Variants in PTGER1 observed in about 807,000 individuals in gnomAD.
The protein encoded by PTGER1 is prostaglandin E receptor 1.
PTGER1 carries 15 observed loss-of-function variants against 18.5 expected under a neutral mutation model. The ratio of observed to expected loss-of-function variants is 0.81; its 90% CI spans 0.54 to 1.25. PTGER1 has a LOEUF of 1.25. Among genes scored for constraint, PTGER1 ranks in the 50% most tolerant of loss-of-function variants. The pLI is 0.00. For missense variants in PTGER1, 567 were observed against 603.4 expected (o/e 0.94, Z 0.63); for synonymous variants, 339 against 308.4 (o/e 1.10, Z -1.04).
In PTGER1 at chr19:14,473,164, C is replaced by A. The variant is rs1481909219; in HGVS notation, c.942+215G>T. ...TGTGGGTCGGGGTGCGCTACAAAGACCCCAAAAAGGAAGAGGAGAGGGGGG... is the reference window on the plus strand; with the variant it reads ...TGTGGGTCGGGGTGCGCTACAAAGAACCCAAAAAGGAAGAGGAGAGGGGGG... On this transcript the variant is annotated intron_variant, in intron 2 of 2. Coordinates refer to ENST00000292513, the MANE Select transcript of PTGER1 (RefSeq NM_000955.3). The surrounding 1 kb of genome is among the most constrained non-coding windows in gnomAD (Gnocchi z 7.1). Among the ~76,000 whole-genome samples the A allele has an allele frequency of 1.3e-5, 2 of 151,310 alleles. No homozygotes were observed. Among genetic ancestry groups the A allele is most frequent in the Non-Finnish European group, 2.9e-5 (2 of 67,824 alleles).
intron 1 of PTGER1, among the ~76,000 whole-genome samples, 159 bp downstream of exon 1, chr19:14,475,103 A>G (rs1305867278): frequency 6.6e-6 from 1 of 152,220 alleles, no homozygotes; most frequent in Non-Finnish European, 1.5e-5. Flanking sequence ...ACTGCCCACC[A>G]GGCCAGATGG....
chr19:14,472,824 C>T lies in PTGER1; in HGVS notation c.945G>A (p.Val315=). ...AGCCGCCGACGGCCAGCGCCACCAA[C>T]ACCTGCGGGGGAAGCCGGTGTGAGC... is the stretch of plus-strand genomic sequence containing the variant. ...VSCICWSPML[V]LVALAVGGWS... is the part of the protein sequence containing the mutation. Residue 315 remains valine, a splice_region_variant and synonymous_variant, in exon 3 of 3, where the codon GTG becomes GTA. Transcript: ENST00000292513. The T allele has an allele frequency of 1.3e-6, 2 of 1,550,200 alleles. No homozygotes were observed. The highest frequency in any genetic ancestry group is 1.7e-6 in the Non-Finnish European group (2 of 1,149,874).
rs780349661 is a variant in PTGER1, at chr19:14,473,399, T to C, written c.922A>G (p.Ile308Val). Reference sequence around the variant, plus strand: ...CTCACCAGCATTGGGCTCCAGCAGATGCACGACACCACCATGATACCGACA... The same window carrying C: ...CTCACCAGCATTGGGCTCCAGCAGACGCACGACACCACCATGATACCGACA... Reference protein sequence around the residue: ...QLVGIMVVSCICWSPMLVLVA... With the variant: ...QLVGIMVVSCVCWSPMLVLVA... Residue 308 changes from isoleucine to valine, a missense_variant, in exon 2 of 3, where the codon ATC becomes GTC. Coordinates refer to ENST00000292513, the MANE Select transcript of PTGER1 (RefSeq NM_000955.3). The surrounding 1 kb of genome is among the most constrained non-coding windows in gnomAD (Gnocchi z 7.1). 1.3e-5 allele frequency: 20 copies of C among 1,594,262 alleles called. No individual in the cohort carries two copies. In the Admixed American group the frequency reaches 3.4e-4, roughly 27 times the overall value.
Position 14,472,791 on chromosome 19 carries a change from A to G in PTGER1, c.978T>C (p.Ser326=), listed in dbSNP as rs1003836132. ...LVALAVGGWS[S]TSLQRPLFLA... The stretch of plus-strand genomic sequence containing the variant: ...GGAACAGTGGCCGCTGCAGGGAGGT[A>G]GAGCTCCAGCCGCCGACGGCCAGCG... Residue 326 remains serine (S), a synonymous_variant, in exon 3 of 3, where the codon TCT becomes TCC. Coordinates refer to ENST00000292513, the MANE Select transcript of PTGER1 (RefSeq NM_000955.3). 3.2e-6 allele frequency: 5 copies of G among 1,567,946 alleles called. No individual in the cohort carries two copies. In the African/African-American group the frequency reaches 5.4e-5, roughly 17 times the overall value.
chr19:14,473,381 G>C lies in PTGER1; in HGVS notation c.940C>G (p.Leu314Val). ...CGAGGGGCCGGTGCGCCCCTCACCA[G>C]CATTGGGCTCCAGCAGATGCACGAC... ...VVSCICWSPM[L>V]VLVALAVGGW... is the part of the protein sequence containing the mutation. The change falls in exon 2 of 3, where the codon CTG (leucine) becomes GTG (valine). Residue 314 changes from leucine to valine, a missense_variant and splice_region_variant. By Grantham distance (32) the Leu-to-Val change is conservative. Coordinates refer to ENST00000292513, the MANE Select transcript of PTGER1 (RefSeq NM_000955.3). This position sits in a 1 kb window ranked among gnomAD's most constrained non-coding sequence, Gnocchi z 7.1. 6.3e-7 allele frequency: 1 copy of C among 1,581,556 alleles called. No individual in the cohort carries two copies. The highest frequency in any genetic ancestry group is 1.4e-5 in the African/African-American group (1 of 74,038).
At position 14,472,678 on chromosome 19, in the gene PTGER1, C is replaced by A. The variant is rs2071576629; in HGVS notation, c.1091G>T (p.Arg364Leu). The A allele has an allele frequency of 6.2e-7, 1 of 1,611,576 alleles. No individual in the cohort carries two copies. The change falls in exon 3 of 3, where the codon CGC (arginine) becomes CTC (leucine). Residue 364 changes from arginine to leucine, a missense_variant. Coordinates refer to ENST00000292513, the MANE Select transcript of PTGER1 (RefSeq NM_000955.3). ...GGCTCCGGCCCTCGGGGGCAAGAGG[C>A]GAAGCAGTTGGCGCAGCACGGCCTG... is the stretch of plus-strand genomic sequence containing the variant. Reference protein sequence around the residue: ...LRQAVLRQLLRLLPPRAGAKG... With the variant: ...LRQAVLRQLLLLLPPRAGAKG...
rs750644173 is a variant in PTGER1 at position 14,472,586 on chromosome 19, G to A, written c.1183C>T (p.Arg395Trp). The change falls in exon 3 of 3, where the codon CGG becomes TGG. Residue 395 changes from arginine to tryptophan, a missense_variant. Transcript: ENST00000292513. ...AWEASSLRSS[R>W]HSGLSHF ...TAGAAGTGGCTGAGGCCGCTGTGCC[G>A]GGAGCTGCGCAGCGAGCTGGCCTCC... The A allele has an allele frequency of 2.5e-6, 4 of 1,593,626 alleles. No homozygotes were observed. Among genetic ancestry groups the A allele is most frequent in the East Asian group, 2.2e-5 (1 of 44,500 alleles).
rs1186771640 is a variant in PTGER1 at position 14,473,863 on chromosome 19, C to A, written c.458G>T (p.Arg153Leu). 4.1e-5 allele frequency: 50 copies of A among 1,226,742 alleles called. No individual in the cohort carries two copies. The highest frequency in any genetic ancestry group is 4.9e-5 in the Non-Finnish European group (48 of 989,628). The allele number at this position is 1,226,742 out of a possible 1,614,324, so 76.0% of individuals were successfully genotyped here. Residue 153 changes from arginine to leucine, a missense_variant, in exon 2 of 3, where the codon CGC becomes CTC. Physicochemically the swap from Arg to Leu is moderately radical, Grantham distance 102 (BLOSUM62 -2). Transcript: ENST00000292513. The surrounding 1 kb of genome is among the most constrained non-coding windows in gnomAD (Gnocchi z 7.1). ...CACCGCGGCCAGCGCCAGGCGCGCG[C>A]GGGCGACCGAGACCCGCGCGGCGTG... ...LLHAARVSVA[R>L]ARLALAAVAA...
rs199864542 is a variant in PTGER1 at position 14,475,313 on chromosome 19, G to C, written c.-69C>G. On this transcript the variant is annotated 5_prime_UTR_variant, in exon 1 of 3. Transcript: ENST00000292513. ...CCATCACCGGCCGCTCAGCCCTGCCGCCCACTGCGCCCTGGCTCTCCGGCA... is the reference window on the plus strand; with the variant it reads ...CCATCACCGGCCGCTCAGCCCTGCCCCCCACTGCGCCCTGGCTCTCCGGCA... 25 of 152,430 alleles carry C rather than the reference G, an allele frequency of 1.6e-4. No homozygotes were observed. Among genetic ancestry groups the C allele is most frequent in the African/African-American group, 5.5e-4 (23 of 41,448 alleles). The allele number at this position is 152,430 out of a possible 1,614,324, so 9.4% of individuals were successfully genotyped here. A position where few individuals can be genotyped will look rare whatever the true frequency, so the allele number is the denominator to read the frequency against.
In PTGER1 at chr19:14,473,911, A is replaced by T. The variant is rs1184042620; in HGVS notation, c.410T>A (p.Val137Glu). 1 of 1,397,938 alleles carries T rather than the reference A, an allele frequency of 7.2e-7. No individual in the cohort carries two copies. The highest frequency in any genetic ancestry group is 9.3e-7 in the Non-Finnish European group (1 of 1,078,362). The allele number at this position is 1,397,938 out of a possible 1,614,324, so 86.6% of individuals were successfully genotyped here. A position where few individuals can be genotyped will look rare whatever the true frequency, so the allele number is the denominator to read the frequency against. Residue 137 changes from valine (V) to glutamate (E), a missense_variant, in exon 2 of 3, where the codon GTG becomes GAG. Val to Glu is a moderately radical substitution (Grantham distance 121). Transcript: ENST00000292513. This position sits in a 1 kb window ranked among gnomAD's most constrained non-coding sequence, Gnocchi z 7.1. Reference sequence around the variant, plus strand: ...GTGGAGCAGCGGCCGCGTGACGCCCACGCAGCGCTCCACGGCCATGCCACA... The same window carrying T: ...GTGGAGCAGCGGCCGCGTGACGCCCTCGCAGCGCTCCACGGCCATGCCACA... ...LGCGMAVERC[V>E]GVTRPLLHAA...
chr19:14,473,415 GAT>G lies in PTGER1; in HGVS notation c.904_905del (p.Ile302HisfsTer?). On this transcript the variant is annotated frameshift_variant, in exon 2 of 3. Coordinates refer to ENST00000292513, the MANE Select transcript of PTGER1 (RefSeq NM_000955.3). LOFTEE classifies it low-confidence loss of function (END_TRUNC). This position sits in a 1 kb window ranked among gnomAD's most constrained non-coding sequence, Gnocchi z 7.1. ...DVEMVGQLVG[I>X]MVVSCICWSP... ...TCCAGCAGATGCACGACACCACCAT[GAT>G]ACCGACAAGCTGGCCCACCATCTCC... 1 of 1,598,844 alleles carries G rather than the reference GAT, an allele frequency of 6.3e-7. No homozygotes were observed. Among genetic ancestry groups the G allele is most frequent in the Non-Finnish European group, 8.5e-7 (1 of 1,175,244 alleles).
chr19:14,473,688 G>T lies in PTGER1; in HGVS notation c.633C>A (p.Gly211=). The T allele has an allele frequency of 1.4e-6, 2 of 1,476,372 alleles. No individual in the cohort carries two copies. Among genetic ancestry groups the T allele is most frequent in the South Asian group, 2.6e-5 (2 of 78,098 alleles). 91.5% of individuals were successfully genotyped at this position (1,476,372 alleles called of 1,614,324 possible). A position where few individuals can be genotyped will look rare whatever the true frequency, so the allele number is the denominator to read the frequency against. Residue 211 remains glycine, a synonymous_variant, in exon 2 of 3, where the codon GGC becomes GGA. Transcript: ENST00000292513. This position sits in a 1 kb window ranked among gnomAD's most constrained non-coding sequence, Gnocchi z 7.1. ...CCAGCGCGGCGAGGAGCGCGACCAG[G>T]CCGAGGCTGGCGAAGAGGCCAGCAA... ...ALLAGLFASL[G]LVALLAALVC...
Position 14,473,554 on chromosome 19 carries a change from T to TCTGTCG in PTGER1, c.766_767insCGACAG (p.His256delinsProThrAsp). 6.5e-7 allele frequency: 1 copy of TCTGTCG among 1,529,910 alleles called. No individual in the cohort carries two copies. The highest frequency in any genetic ancestry group is 8.7e-7 in the Non-Finnish European group (1 of 1,144,248). The allele number at this position is 1,529,910 out of a possible 1,614,324, so 94.8% of individuals were successfully genotyped here. ...CGAGGCGGAGGCCGAGCGGGGTCCG[T>TCTGTCG]GCGCCCCCCAGCGACGCCGGCTGTC... is the stretch of plus-strand genomic sequence containing the variant. On this transcript the variant is annotated protein_altering_variant, in exon 2 of 3. Coordinates refer to ENST00000292513, the MANE Select transcript of PTGER1 (RefSeq NM_000955.3). This position sits in a 1 kb window ranked among gnomAD's most constrained non-coding sequence, Gnocchi z 7.1.
Position 14,473,564 on chromosome 19 carries a change from A to G in PTGER1, c.757T>C (p.Trp253Arg), listed in dbSNP as rs1599339507. 2.7e-6 allele frequency: 4 copies of G among 1,508,250 alleles called. No individual in the cohort carries two copies. The highest frequency in any genetic ancestry group is 5.3e-5 in the East Asian group (2 of 37,944). 93.4% of individuals were successfully genotyped at this position (1,508,250 alleles called of 1,614,324 possible). The change falls in exon 2 of 3, where the codon TGG (tryptophan) becomes CGG (arginine). Residue 253 changes from tryptophan to arginine, a missense_variant. By Grantham distance (101) the Trp-to-Arg change is moderately radical. Transcript: ENST00000292513. This position sits in a 1 kb window ranked among gnomAD's most constrained non-coding sequence, Gnocchi z 7.1. ...GCCGAGCGGGGTCCGTGCGCCCCCC[A>G]GCGACGCCGGCTGTCGGGGCCTGAG... The part of the protein sequence containing the change: ...PASGPDSRRR[W>R]GAHGPRSASA...
Sources: allele counts gnomAD v4.1 joint callset (sites outside exome capture counted in the v4.1 genomes callset), GRCh38; gene constraint gnomAD v4.1.1; non-coding constraint Gnocchi (gnomAD v3.1); transcripts MANE v1.5; gene names NCBI Gene and HGNC (gene_info 2026-07-23, HGNC 2026-07-21).